Variants in AFG2A observed in about 807,000 individuals in gnomAD.
AFG2A encodes the protein ATPase family gene 2 protein homolog A.
chr4:122,972,696 T>G, the AFG2A span, among the ~76,000 whole-genome samples: 1 of 152,028 alleles, frequency 6.6e-6, no homozygotes, highest in Admixed American at 6.5e-5. Context: ...TATTTAGAAA[T>G]GAATTAACTG....
At chr4:123,148,915 G>A in the AFG2A span, among the ~76,000 whole-genome samples, 1 of 151,704 alleles carries the variant, frequency 6.6e-6, no homozygotes, top group African/African-American at 2.4e-5. Context: ...ATTACAGGCA[G>A]GTGCCACCAT....
the AFG2A span, among the ~76,000 whole-genome samples, chr4:123,307,862 G>C: frequency 1.3e-5 from 2 of 152,202 alleles, no homozygotes; most frequent in Non-Finnish European, 2.9e-5. Context: ...TGCTGTACAG[G>C]TGTGTAGTGT....
the AFG2A span, among the ~76,000 whole-genome samples, chr4:122,977,926 TC>T: frequency 1.3e-5 from 2 of 152,110 alleles, no homozygotes; most frequent in Non-Finnish European, 2.9e-5. Flanking sequence ...TGTCTAGCTT[TC>T]CGCAGAGAGG....
At chr4:122,964,620 C>T in the AFG2A span, among the ~76,000 whole-genome samples, 1 of 151,816 alleles carries the variant, frequency 6.6e-6, no homozygotes, top group South Asian at 2.1e-4. Flanking sequence ...CTATGTGATA[C>T]ATTTAAACTC....
At chr4:123,031,031 T>C in the AFG2A span, among the ~76,000 whole-genome samples, 1 of 152,226 alleles carries the variant, frequency 6.6e-6, no homozygotes, top group Non-Finnish European at 1.5e-5. Context: ...TGTCTTCTAC[T>C]AGCATTTTCA....
the AFG2A span, among the ~76,000 whole-genome samples, chr4:123,167,896 A>G: frequency 2.3e-4 from 35 of 152,306 alleles, no homozygotes; most frequent in South Asian, 6.2e-3. Flanking sequence ...GGTCATCATC[A>G]AAACAAAAAC....
chr4:123,077,477 G>A, the AFG2A span, among the ~76,000 whole-genome samples: 10 of 152,076 alleles, frequency 6.6e-5, no homozygotes, highest in Non-Finnish European at 1.5e-4. Context: ...CATGGATACT[G>A]GCAGAAACCA....
At chr4:123,207,346 A>G in the AFG2A span, among the ~76,000 whole-genome samples, 1 of 123,572 alleles carries the variant, frequency 8.1e-6, no homozygotes. Flanking sequence ...GGTGGAGTGT[A>G]GTGGCACAAG....
the AFG2A span, chr4:123,028,236 A>G: frequency 1.9e-6 from 3 of 1,614,152 alleles, no homozygotes; most frequent in South Asian, 1.1e-5. Flanking sequence ...TGAAGTTGGA[A>G]CAGGCTGTGG....
At chr4:123,154,039 A>G in the AFG2A span, among the ~76,000 whole-genome samples, 5 of 152,176 alleles carry the variant, frequency 3.3e-5, no homozygotes, top group Admixed American at 6.5e-5. Context: ...AAATTATCGG[A>G]CAAATTAAAC....
At chr4:123,042,854 C>T in the AFG2A span, among the ~76,000 whole-genome samples, 1 of 152,120 alleles carries the variant, frequency 6.6e-6, no homozygotes, top group Non-Finnish European at 1.5e-5. Context: ...CTGTATTTTA[C>T]CTCTAAATAC....
At chr4:123,208,672 A>C in the AFG2A span, among the ~76,000 whole-genome samples, 1 of 152,176 alleles carries the variant, frequency 6.6e-6, no homozygotes, top group Non-Finnish European at 1.5e-5. Context: ...AAGGTACCAA[A>C]GTCTTTAGTG....
chr4:123,063,924 A>G, the AFG2A span, among the ~76,000 whole-genome samples: 1 of 152,232 alleles, frequency 6.6e-6, no homozygotes, highest in African/African-American at 2.4e-5. Flanking sequence ...GCCATGAAGC[A>G]GAGGATTGCA....
At chr4:123,059,600 G>A in the AFG2A span, among the ~76,000 whole-genome samples, 1 of 151,410 alleles carries the variant, frequency 6.6e-6, no homozygotes, top group African/African-American at 2.4e-5. Context: ...TGTGAATAGT[G>A]CCACAATAAA....
the AFG2A span, among the ~76,000 whole-genome samples, chr4:123,059,418 C>T: frequency 6.7e-6 from 1 of 148,354 alleles, no homozygotes; most frequent in Non-Finnish European, 1.5e-5. Flanking sequence ...GTTTTTTGTT[C>T]TTGAGATAGT....
At chr4:123,230,836 A>C in the AFG2A span, among the ~76,000 whole-genome samples, 114 of 152,122 alleles carry the variant, frequency 7.5e-4, no homozygotes, top group Non-Finnish European at 1.1e-3. Context: ...ACACTAATCT[A>C]CATCTCCATC....
At chr4:123,150,451 A>T in the AFG2A span, among the ~76,000 whole-genome samples, 6 of 152,234 alleles carry the variant, frequency 3.9e-5, no homozygotes, top group African/African-American at 1.4e-4. Flanking sequence ...ATCAATGTGC[A>T]AAGATCACAA....
At chr4:123,247,196 G>T in the AFG2A span, among the ~76,000 whole-genome samples, 1 of 149,682 alleles carries the variant, frequency 6.7e-6, no homozygotes, top group African/African-American at 2.4e-5. Context: ...GGTTACTTAT[G>T]TAAAGGGTGT....
At chr4:122,929,407 A>G in the AFG2A span, among the ~76,000 whole-genome samples, 10 of 152,318 alleles carry the variant, frequency 6.6e-5, no homozygotes, top group African/African-American at 2.4e-4. Context: ...AAAATTACCA[A>G]TAAGGGCTGG....
Sources: allele counts gnomAD v4.1 joint callset (sites outside exome capture counted in the v4.1 genomes callset), GRCh38; gene constraint gnomAD v4.1.1; transcripts MANE v1.5; gene names NCBI Gene and HGNC (gene_info 2026-07-23, HGNC 2026-07-21).